Variants in EYS observed in about 807,000 individuals in gnomAD.
The protein encoded by EYS is protein eyes shut homolog.
EYS carries 250 observed loss-of-function variants against 282.1 expected under a neutral mutation model. The observed-to-expected ratio is 0.89, with a 90% CI of 0.80 to 0.98. The LOEUF (loss-of-function observed/expected upper bound fraction) is 0.98, where lower values mean the gene tolerates loss of function less well. EYS is among the 50% of genes least tolerant of loss of function. EYS has a pLI of 0.00. For missense variants in EYS, 4,016 were observed against 3,709.0 expected (o/e 1.08, Z -2.15); for synonymous variants, 1,355 against 1,282.9 (o/e 1.06, Z -1.20).
At chr6:64,772,809 T>C (rs1055787217) in intron 22 of EYS, among the ~76,000 whole-genome samples, 1 of 151,750 alleles carries the variant, frequency 6.6e-6, no homozygotes, top group African/African-American at 2.4e-5. Flanking sequence ...TTATGTCTTT[T>C]AGTTTCATCC....
intron 19 of EYS, among the ~76,000 whole-genome samples, chr6:64,864,385 C>CTTTTTTT (rs769240399): frequency 0.011 from 611 of 57,170 alleles, 153 homozygotes; most frequent in Middle Eastern, 0.031. Flanking sequence ...GCTATACCTT[C>CTTTTTTT]TTTTTTTTTT....
At chr6:64,447,537 T>C (rs2150474030) in intron 26 of EYS, among the ~76,000 whole-genome samples, 1 of 152,302 alleles carries the variant, frequency 6.6e-6, no homozygotes, top group East Asian at 1.9e-4. Flanking sequence ...TATTTGTTTC[T>C]TTAATAGGTT....
intron 36 of EYS, among the ~76,000 whole-genome samples, chr6:63,844,205 A>C (rs1201393036): frequency 5.3e-5 from 8 of 152,200 alleles, no homozygotes; most frequent in Non-Finnish European, 1.2e-4. Flanking sequence ...TTATGGCTGC[A>C]TAGTAGCCCA....
Position 64,822,651 on chromosome 6 carries a change from C to A in EYS, c.3164G>T (p.Arg1055Met). The A allele has an allele frequency of 6.6e-7, 1 of 1,525,636 alleles. No individual in the cohort carries two copies. The highest frequency in any genetic ancestry group is 8.8e-7 in the Non-Finnish European group (1 of 1,138,740). The allele number at this position is 1,525,636 out of a possible 1,614,324, so 94.5% of individuals were successfully genotyped here. ...AGCTAATAATAAAAAAAATAGCTAC[C>A]TTCCATGTAGACAAGGATTTGAAAG... ...DCLSNPCLHG[R>M]CTELINEYPC... Residue 1055 changes from arginine to methionine, a missense_variant and splice_region_variant, in exon 20 of 43, where the codon AGG becomes ATG. Coordinates refer to ENST00000503581, the MANE Select transcript of EYS (RefSeq NM_001142800.2).
chr6:65,035,270 T>A (rs1176821358), intron 13 of EYS, among the ~76,000 whole-genome samples: 1 of 152,074 alleles, frequency 6.6e-6, no homozygotes, highest in Non-Finnish European at 1.5e-5. Context: ...GCTGGAAGCA[T>A]TCTCCTTGGG....
intron 5 of EYS, among the ~76,000 whole-genome samples, chr6:65,463,389 T>A (rs1159711852): frequency 6.6e-6 from 1 of 152,174 alleles, no homozygotes; most frequent in Non-Finnish European, 1.5e-5. Flanking sequence ...TTGTAAACAA[T>A]TGATATAAAA....
At chr6:64,894,584 A>T (rs2150067609) in intron 18 of EYS, among the ~76,000 whole-genome samples, 1 of 152,266 alleles carries the variant, frequency 6.6e-6, no homozygotes, top group East Asian at 1.9e-4. Context: ...AACCTAAGTT[A>T]TGTCACAGAC....
At chr6:64,931,666 A>G (rs1245604299) in intron 15 of EYS, among the ~76,000 whole-genome samples, 2 of 152,126 alleles carry the variant, frequency 1.3e-5, no homozygotes, top group East Asian at 1.9e-4. Context: ...AAAACTAATG[A>G]TATTTACAGT....
chr6:64,081,761 C>T (rs1582241197), intron 32 of EYS, 95 bp downstream of exon 32: 1 of 1,095,354 alleles, frequency 9.1e-7, no homozygotes, highest in Non-Finnish European at 1.3e-6. Flanking sequence ...TGGAAAAATT[C>T]TCTCACAATA....
rs114034480 is a variant in EYS at position 65,266,197 on chromosome 6, A to G, written c.2023+29666T>C. Among the ~76,000 whole-genome samples, 493 of 152,040 alleles carry G rather than the reference A, an allele frequency of 3.2e-3. 1 individual carries two copies. Among genetic ancestry groups the G allele is most frequent in the African/African-American group, 0.011 (469 of 41,528 alleles). Reference sequence around the variant, plus strand: ...ACTGTTCAATCAACTTAAGATTATGATATTCTTTACTATTCATTCTAGTTA... The same window carrying G: ...ACTGTTCAATCAACTTAAGATTATGGTATTCTTTACTATTCATTCTAGTTA... On this transcript the variant is annotated intron_variant, in intron 12 of 42. Transcript: ENST00000503581.
At position 65,044,924 on chromosome 6, in the gene EYS, A is replaced by G. The variant is rs141734731; in HGVS notation, c.2137+12690T>C. ...ACACTTAAAATTGCAGCTTTCTCCT[A>G]TTGTTTTCACTGCCCATACATATCA... On this transcript the variant is annotated intron_variant, in intron 13 of 42. Transcript: ENST00000503581. 5.4e-4 allele frequency among the ~76,000 whole-genome samples: 82 copies of G among 151,896 alleles called. 1 individual carries two copies. Among genetic ancestry groups the G allele is most frequent in the Non-Finnish European group, 8.5e-4 (58 of 67,852 alleles).
At chr6:64,133,003 C>T (rs1275061390) in intron 31 of EYS, among the ~76,000 whole-genome samples, 1 of 151,914 alleles carries the variant, frequency 6.6e-6, no homozygotes, top group Non-Finnish European at 1.5e-5. Flanking sequence ...AGACATTACT[C>T]TACACACTGA....
At chr6:64,388,937 AATAG>A in intron 28 of EYS, 97 bp from the exon 29 acceptor site, 1 of 819,060 alleles carries the variant, frequency 1.2e-6, no homozygotes, top group Non-Finnish European at 1.7e-6. Flanking sequence ...AATTTAAGTA[AATAG>A]ATTATTTCAC....
intron 31 of EYS, among the ~76,000 whole-genome samples, chr6:64,208,855 C>G (rs1330419212): frequency 6.6e-6 from 1 of 152,052 alleles, no homozygotes; most frequent in Non-Finnish European, 1.5e-5. Context: ...TTTCTATGTG[C>G]ATATTCCACT....
chr6:65,126,184 C>G (rs1261046655), intron 12 of EYS, among the ~76,000 whole-genome samples: 1 of 152,094 alleles, frequency 6.6e-6, no homozygotes, highest in Non-Finnish European at 1.5e-5. Context: ...AACTTATTAA[C>G]TCTTTCATTT....
intron 29 of EYS, among the ~76,000 whole-genome samples, chr6:64,311,994 A>ATTT (rs1769730154): frequency 2.6e-5 from 1 of 37,846 alleles, no homozygotes. Flanking sequence ...TTTTTTTTTC[A>ATTT]TACCCCAGTG....
At chr6:64,719,233 C>T (rs1771493207) in intron 22 of EYS, among the ~76,000 whole-genome samples, 1 of 152,074 alleles carries the variant, frequency 6.6e-6, no homozygotes, top group Admixed American at 6.5e-5. Flanking sequence ...AGCTAGCTGA[C>T]ACCTTGATTT....
intron 31 of EYS, among the ~76,000 whole-genome samples, chr6:64,145,294 G>T (rs115163534): frequency 1.3e-5 from 2 of 152,122 alleles, no homozygotes; most frequent in Non-Finnish European, 2.9e-5. Flanking sequence ...CTAATTAGAA[G>T]AAAGACTAAT....
intron 18 of EYS, among the ~76,000 whole-genome samples, chr6:64,891,829 T>A (rs780823672): frequency 2.0e-5 from 3 of 152,000 alleles, no homozygotes; most frequent in Non-Finnish European, 2.9e-5. Context: ...ATCTTCTATC[T>A]TGAGAGAACA....
Sources: gnomAD v4.1 joint callset for allele counts (sites outside exome capture counted in the v4.1 genomes callset) on GRCh38, gnomAD v4.1.1 for gene constraint, MANE v1.5 for transcripts, NCBI Gene and HGNC (gene_info 2026-07-23, HGNC 2026-07-21) for gene names.